Variants in KCTD1 observed in about 807,000 individuals in gnomAD.
KCTD1 encodes BTB/POZ domain-containing protein KCTD1.
KCTD1 carries 24 observed loss-of-function variants against 66.0 expected under a neutral mutation model. That is an observed-to-expected ratio of 0.36 (90% CI 0.26 to 0.51). KCTD1 has a LOEUF of 0.51. Among genes scored for constraint, KCTD1 ranks in the 20% least tolerant of loss-of-function variants. KCTD1 has a pLI of 0.95. For synonymous variants in KCTD1, 511 were observed against 517.2 expected (o/e 0.99, Z 0.16); for missense variants, 943 against 1,205.2 (o/e 0.78, Z 3.22).
intron 1 of KCTD1, chr18:26,566,870 C>G (rs1985994656): frequency 7.0e-6 from 1 of 142,008 alleles, no homozygotes; most frequent in Admixed American, 7.0e-5. Context: ...TGGGGGCAAA[C>G]AGGGAAGGGA....
intron 3 of KCTD1, among the ~76,000 whole-genome samples, chr18:26,473,751 T>C (rs1355455065): frequency 2.0e-5 from 3 of 152,150 alleles, no homozygotes; most frequent in Non-Finnish European, 4.4e-5. Context: ...ATGCACGCCA[T>C]TGAGGGGGCC....
At chr18:26,598,547 C>A (rs376918424) in intron 1 of KCTD1, among the ~76,000 whole-genome samples, 1 of 151,910 alleles carries the variant, frequency 6.6e-6, no homozygotes, top group African/African-American at 2.4e-5. Context: ...GTAGTACTAT[C>A]TTTAACTTTT....
At chr18:26,590,639 G>C (rs520119) in intron 1 of KCTD1, among the ~76,000 whole-genome samples, 31,306 of 151,738 alleles carry the variant, frequency 0.21, 3,376 homozygotes, top group East Asian at 0.33. Context: ...AAAATGAATA[G>C]CTATTTGCAC....
At chr18:26,562,541 C>T (rs1264619794) in intron 1 of KCTD1, among the ~76,000 whole-genome samples, 2 of 152,230 alleles carry the variant, frequency 1.3e-5, no homozygotes, top group Non-Finnish European at 2.9e-5. Context: ...GGATTACAGG[C>T]ATGCGCCACT....
chr18:26,494,805 CT>C (rs1012079241), intron 2 of KCTD1, among the ~76,000 whole-genome samples: 8 of 150,274 alleles, frequency 5.3e-5, no homozygotes, highest in Admixed American at 6.6e-5. Flanking sequence ...CATAAACTAA[CT>C]TTTTTTTTTC....
At chr18:26,571,996 T>TAAA (rs948436989) in intron 1 of KCTD1, among the ~76,000 whole-genome samples, 1 of 150,976 alleles carries the variant, frequency 6.6e-6, no homozygotes, top group Admixed American at 6.6e-5. Context: ...CTGTATTCAT[T>TAAA]AAAAAAAAAT....
chr18:26,490,439 T>C (rs968135300), intron 2 of KCTD1, among the ~76,000 whole-genome samples: 1 of 152,202 alleles, frequency 6.6e-6, no homozygotes, highest in African/African-American at 2.4e-5. Context: ...TTCATTGCTC[T>C]TTCCCTCCAG....
intron 1 of KCTD1, chr18:26,545,365 A>G (rs1385115468): frequency 6.6e-6 from 1 of 152,226 alleles, no homozygotes; most frequent in Admixed American, 6.5e-5. Flanking sequence ...TCAGAAATAG[A>G]CTACACACCT....
rs146144065 is a variant in KCTD1 at position 26,636,771 on chromosome 18, C to T, written c.-107+3540G>A. 1.4e-4 allele frequency among the ~76,000 whole-genome samples: 22 copies of T among 152,338 alleles called. No individual in the cohort carries two copies. The East Asian group carries it at 2.3e-3, about 16-fold the overall frequency. On this transcript the variant is annotated intron_variant, in intron 1 of 5. Transcript: ENST00000579973. ...TTGAGCTGCCAGAATGGTCCTGCCA[C>T]GCTTCAGAGAAACCCAAAGTGTTCA...
intron 2 of KCTD1, among the ~76,000 whole-genome samples, chr18:26,490,917 TA>T (rs1982165837): frequency 6.6e-6 from 1 of 152,040 alleles, no homozygotes; most frequent in African/African-American, 2.4e-5. Context: ...CATGCCCAGC[TA>T]ATTTTTGTAT....
chr18:26,500,252 C>T (rs980292155), intron 2 of KCTD1, among the ~76,000 whole-genome samples: 4 of 146,582 alleles, frequency 2.7e-5, no homozygotes, highest in Non-Finnish European at 4.5e-5. Context: ...CCTGTCTCTA[C>T]AAAAAATTTA....
chr18:26,508,222 T>C (rs1983147885), intron 1 of KCTD1, among the ~76,000 whole-genome samples: 1 of 152,234 alleles, frequency 6.6e-6, no homozygotes, highest in South Asian at 2.1e-4. Flanking sequence ...GGCGTGCTGA[T>C]CGGTGCATCT....
chr18:26,454,915 A>AAAAG lies in KCTD1; in HGVS notation c.*824_*827dup, dbSNP rs1391210379. The AAAAG allele has an allele frequency of 1.3e-5, 2 of 152,622 alleles. No individual in the cohort carries two copies. Among genetic ancestry groups the AAAAG allele is most frequent in the African/African-American group, 2.4e-5 (1 of 41,452 alleles). 9.5% of individuals were successfully genotyped at this position (152,622 alleles called of 1,614,324 possible). On this transcript the variant is annotated 3_prime_UTR_variant, in exon 5 of 5. Transcript: ENST00000580059. The stretch of plus-strand genomic sequence containing the variant: ...TTGATGCTCAACACGGACAATTTCA[A>AAAAG]AAAGAAAAAATTTCACTTTAATCCA...
intron 1 of KCTD1, among the ~76,000 whole-genome samples, chr18:26,619,795 A>G (rs1987333502): frequency 6.6e-6 from 1 of 152,196 alleles, no homozygotes; most frequent in South Asian, 2.1e-4. Context: ...GAGTGGAGAG[A>G]TGAAGAGCTC....
chr18:26,600,012 C>T (rs947713272), intron 1 of KCTD1: 41 of 1,611,202 alleles, frequency 2.5e-5, no homozygotes, highest in East Asian at 1.1e-4. Context: ...TCTCAGCCAA[C>T]GATATGGAGG....
At chr18:26,550,442 G>A (rs1368759818), upstream of KCTD1, among the ~76,000 whole-genome samples, 1 of 151,932 alleles carries the variant, frequency 6.6e-6, no homozygotes, top group Non-Finnish European at 1.5e-5. This position sits in a 1 kb window ranked among gnomAD's most constrained non-coding sequence, Gnocchi z 5.4. Flanking sequence ...GGTCCTCCGC[G>A]TGCCTGCCCG....
intron 1 of KCTD1, among the ~76,000 whole-genome samples, chr18:26,646,944 TC>T (rs1339377022): frequency 6.6e-6 from 1 of 152,160 alleles, no homozygotes; most frequent in Non-Finnish European, 1.5e-5. Context: ...GTGCAGAATT[TC>T]CTTTGTCTTT....
At chr18:26,467,289 AG>A (rs1980790625) in intron 3 of KCTD1, among the ~76,000 whole-genome samples, 2 of 152,018 alleles carry the variant, frequency 1.3e-5, no homozygotes, top group Admixed American at 6.6e-5. Flanking sequence ...AGGCCAAGGC[AG>A]GAGGATTGCT....
intron 1 of KCTD1, among the ~76,000 whole-genome samples, chr18:26,527,995 C>A (rs1183903535): frequency 1.3e-5 from 2 of 152,160 alleles, no homozygotes; most frequent in Non-Finnish European, 2.9e-5. Context: ...ACAGGCACTG[C>A]ACTTAAAATC....
Sources: gnomAD v4.1 joint callset for allele counts (sites outside exome capture counted in the v4.1 genomes callset) on GRCh38, gnomAD v4.1.1 for gene constraint, Gnocchi (gnomAD v3.1) non-coding constraint, MANE v1.5 for transcripts, NCBI Gene and HGNC (gene_info 2026-07-23, HGNC 2026-07-21) for gene names.